Variants in FRMD4B observed in about 807,000 individuals in gnomAD.
FRMD4B encodes FERM domain containing 4B, also known as FERM domain-containing protein 4B.
In FRMD4B, 74 loss-of-function variants were observed where a neutral mutation model predicts 141.5. The ratio of observed to expected loss-of-function variants is 0.52; its 90% CI spans 0.43 to 0.63. The LOEUF (loss-of-function observed/expected upper bound fraction) is 0.63. Ranked by LOEUF, FRMD4B falls within the 30% of genes least tolerant of loss-of-function variation. The probability of loss-of-function intolerance (pLI) is 0.00; values close to 1 mark genes in which losing one functional copy is unlikely to be tolerated. For missense variants in FRMD4B, 1,366 were observed against 1,253.4 expected, an observed-to-expected ratio of 1.09 and a Z score of -1.36; for synonymous variants, 506 against 467.9, an observed-to-expected ratio of 1.08 and a Z score of -1.05.
intron 11 of FRMD4B, among the ~76,000 whole-genome samples, chr3:69,209,315 T>C (rs1021952039): frequency 6.6e-6 from 1 of 152,146 alleles, no homozygotes; most frequent in Non-Finnish European, 1.5e-5. Flanking sequence ...ACCAATTTTC[T>C]AAAAGTTCCA....
chr3:69,200,840 A>C (rs78656126), intron 11 of FRMD4B: 2 of 474,372 alleles, frequency 4.2e-6, no homozygotes, highest in Non-Finnish European at 8.2e-6. Context: ...CTACAGGAAG[A>C]GTTACAATGC....
chr3:69,404,506 G>T (rs766942820), intron 2 of FRMD4B, among the ~76,000 whole-genome samples: 1 of 152,060 alleles, frequency 6.6e-6, no homozygotes, highest in Non-Finnish European at 1.5e-5. Flanking sequence ...TTTTCACAAT[G>T]ACCTATGAAA....
intron 11 of FRMD4B, among the ~76,000 whole-genome samples, chr3:69,200,012 C>T (rs1433096745): frequency 1.3e-5 from 2 of 152,034 alleles, no homozygotes; most frequent in Non-Finnish European, 1.5e-5. Context: ...TATTATTAGA[C>T]TTCGGCTGGA....
intron 5 of FRMD4B, among the ~76,000 whole-genome samples, chr3:69,273,019 C>G (rs918921173): frequency 1.3e-5 from 2 of 152,188 alleles, no homozygotes; most frequent in Non-Finnish European, 2.9e-5. Flanking sequence ...TTTGGGGATT[C>G]ATTTTTCCAA....
Position 69,488,000 on chromosome 3 carries a change from A to G in FRMD4B, c.-129+54206T>C, listed in dbSNP as rs574986402. Among the ~76,000 whole-genome samples, 5 of 152,180 alleles carry G rather than the reference A, an allele frequency of 3.3e-5. 1 individual carries two copies. Among genetic ancestry groups the G allele is most frequent in the African/African-American group, 1.2e-4 (5 of 41,526 alleles). On this transcript the variant is annotated intron_variant, in intron 1 of 5. Transcript: ENST00000459638. ...GTCCATTGTAAAATTTCATCTCTTC[A>G]ACCAGATTACGTTTTAAGAGGAAAA...
chr3:69,175,364 AT>A (rs988498068), intron 22 of FRMD4B, among the ~76,000 whole-genome samples: 53 of 152,332 alleles, frequency 3.5e-4, no homozygotes, highest in African/African-American at 1.3e-3. Flanking sequence ...CATAACAAGA[AT>A]TTTTTTAAAA....
chr3:69,395,125 A>G (rs1456905497), intron 2 of FRMD4B, among the ~76,000 whole-genome samples: 1 of 152,184 alleles, frequency 6.6e-6, no homozygotes, highest in African/African-American at 2.4e-5. Flanking sequence ...TGGCACATGT[A>G]TACCTATGTT....
intron 7 of FRMD4B, among the ~76,000 whole-genome samples, chr3:69,228,043 C>T (rs570524741): frequency 9.2e-5 from 14 of 152,230 alleles, no homozygotes; most frequent in African/African-American, 2.4e-4. Context: ...TGGTTCTCAA[C>T]GTGGGCAATT....
Position 69,470,572 on chromosome 3 carries a change from G to A in FRMD4B, c.-128-37811C>T, listed in dbSNP as rs73835867. Among the ~76,000 whole-genome samples, 455 of 152,228 alleles carry A rather than the reference G, an allele frequency of 3.0e-3. 2 individuals are homozygous for A. The highest frequency in any genetic ancestry group is 9.7e-3 in the African/African-American group (402 of 41,562). Reference sequence around the variant, plus strand: ...TTGTGGTCTTCAGAGAAAGTTCATTGGTATTAGTAAAGCTCTGGGGAGCTG... The same window carrying A: ...TTGTGGTCTTCAGAGAAAGTTCATTAGTATTAGTAAAGCTCTGGGGAGCTG... On this transcript the variant is annotated intron_variant, in intron 1 of 5. Transcript: ENST00000459638.
chr3:69,343,747 T>C (rs892859870), intron 1 of FRMD4B, among the ~76,000 whole-genome samples: 3 of 151,906 alleles, frequency 2.0e-5, no homozygotes, highest in Non-Finnish European at 4.4e-5. Context: ...ACCTGGCTAA[T>C]TTTTGTAGTT....
intron 1 of FRMD4B, among the ~76,000 whole-genome samples, chr3:69,368,354 A>G (rs58937767): frequency 0.17 from 26,540 of 152,228 alleles, 2,565 homozygotes; most frequent in African/African-American, 0.24. Context: ...GGAAACAGAT[A>G]AAGCTGTTCA....
At chr3:69,361,555 T>C (rs1703471390) in intron 1 of FRMD4B, among the ~76,000 whole-genome samples, 1 of 152,222 alleles carries the variant, frequency 6.6e-6, no homozygotes. Flanking sequence ...CACAATAGAT[T>C]AGTTTTTCCT....
At position 69,457,868 on chromosome 3, in the gene FRMD4B, C is replaced by G. The variant is rs192545637; in HGVS notation, c.-128-25107G>C. On this transcript the variant is annotated intron_variant, in intron 1 of 5. Coordinates refer to the FRMD4B transcript ENST00000459638. ...CTCACCTCATTCTTCCACCATTTGT[C>G]TCTCTGCTTTTAGGAGGAGGTAACA... Among the ~76,000 whole-genome samples, 48 of 152,308 alleles carry G rather than the reference C, an allele frequency of 3.2e-4. No individual in the cohort carries two copies. The East Asian group carries it at 8.7e-3, about 28-fold the overall frequency.
Position 69,350,536 on chromosome 3 carries a change from G to A in FRMD4B, c.162+35292C>T, listed in dbSNP as rs558059518. On this transcript the variant is annotated intron_variant, in intron 1 of 22. Transcript: ENST00000398540. ...AGACACATGAACATGTATGTTTACT[G>A]TGACACTATTCACAATAGCAAAGAC... Among the ~76,000 whole-genome samples the A allele has an allele frequency of 6.6e-5, 10 of 152,248 alleles. No individual in the cohort carries two copies. The South Asian group carries it at 8.3e-4, about 13-fold the overall frequency.
chr3:69,468,979 T>C (rs969809550), intron 1 of FRMD4B, among the ~76,000 whole-genome samples: 2 of 152,188 alleles, frequency 1.3e-5, no homozygotes, highest in African/African-American at 2.4e-5. Flanking sequence ...CATACTGGGA[T>C]GATGTAACAA....
chr3:69,474,137 C>G (rs575574297), intron 1 of FRMD4B, among the ~76,000 whole-genome samples: 1 of 152,342 alleles, frequency 6.6e-6, no homozygotes, highest in African/African-American at 2.4e-5. Flanking sequence ...ATTTTCTCAT[C>G]TTCAGCCTGG....
chr3:69,378,573 TA>T (rs1704033903), intron 1 of FRMD4B, among the ~76,000 whole-genome samples: 1 of 152,208 alleles, frequency 6.6e-6, no homozygotes, highest in South Asian at 2.1e-4. Context: ...TGCTGACTGA[TA>T]CACTGACATC....
In FRMD4B at chr3:69,182,696, G is replaced by T; in HGVS notation, c.1941C>A (p.Ser647Arg). The T allele has an allele frequency of 1.2e-6, 2 of 1,613,248 alleles. No homozygotes were observed. The highest frequency in any genetic ancestry group is 8.5e-7 in the Non-Finnish European group (1 of 1,179,396). ...RQSREMLSTH[S>R]SPYKTLERRP... is the part of the protein sequence containing the mutation. ...GCCTCTCCAGAGTTTTGTAAGGGCT[G>T]CTGTGTGTGGACAGCATTTCTCTGT... The change falls in exon 20 of 23, where the codon AGC becomes AGA. Residue 647 changes from serine to arginine, a missense_variant. Coordinates refer to ENST00000398540, the MANE Select transcript of FRMD4B (RefSeq NM_015123.3).
At chr3:69,221,407 C>G (rs994679042) in intron 9 of FRMD4B, among the ~76,000 whole-genome samples, 3 of 152,108 alleles carry the variant, frequency 2.0e-5, no homozygotes, top group African/African-American at 7.2e-5. Flanking sequence ...AACTGGGGGA[C>G]AAAACATGGC....
Sources: allele counts gnomAD v4.1 joint callset (sites outside exome capture counted in the v4.1 genomes callset), GRCh38; gene constraint gnomAD v4.1.1; transcripts MANE v1.5; gene names NCBI Gene and HGNC (gene_info 2026-07-23, HGNC 2026-07-21).